The following TXLNB variants were observed in gnomAD, a reference collection of about 807,000 sequenced individuals.
TXLNB encodes taxilin beta.
A neutral mutation model predicts 57.4 loss-of-function variants in TXLNB; 37 were observed. The observed-to-expected ratio is 0.64, with a 90% CI of 0.50 to 0.85. The LOEUF is 0.85. TXLNB is among the 40% of genes least tolerant of loss of function. The pLI is 0.00. For synonymous variants in TXLNB, 302 were observed against 309.6 expected, an observed-to-expected ratio of 0.98 and a Z score of 0.26; for missense variants, 848 against 825.6, an observed-to-expected ratio of 1.03 and a Z score of -0.33.
At chr6:139,188,388 C>T in the TXLNB span, among the ~76,000 whole-genome samples, 3 of 152,120 alleles carry the variant, frequency 2.0e-5, no homozygotes, top group Non-Finnish European at 4.4e-5. Flanking sequence ...CTAGTTGGGT[C>T]AGCTTCAAAC....
chr6:139,180,160 T>C, the TXLNB span: 1 of 152,216 alleles, frequency 6.6e-6, no homozygotes, highest in African/African-American at 2.4e-5. Flanking sequence ...AAATGCCCTT[T>C]AACTTCTAGG....
chr6:139,246,352 T>A lies in TXLNB; in HGVS notation c.1170+1465A>T, dbSNP rs565162431. Among the ~76,000 whole-genome samples the A allele has an allele frequency of 1.6e-3, 248 of 152,294 alleles. 1 individual carries two copies. Among genetic ancestry groups the A allele is most frequent in the African/African-American group, 3.7e-3 (153 of 41,570 alleles). ...CTTCTTCAGGTTGCTCATTGTAAAA[T>A]TTGTCATAATATTTTAAAAATATAT... On this transcript the variant is annotated intron_variant, in intron 8 of 9. Coordinates refer to ENST00000358430, the MANE Select transcript of TXLNB (RefSeq NM_153235.4).
chr6:139,317,486 G>A, the TXLNB span, among the ~76,000 whole-genome samples: 908 of 151,390 alleles, frequency 6.0e-3, 7 homozygotes, highest in African/African-American at 0.021. Flanking sequence ...TGCAACCTCC[G>A]CCTCCCAGGT....
chr6:139,174,997 G>C, the TXLNB span, among the ~76,000 whole-genome samples: 1 of 152,054 alleles, frequency 6.6e-6, no homozygotes. Context: ...TCTTAAATAG[G>C]ATTTTCTTGT....
At chr6:139,186,426 G>A in the TXLNB span, among the ~76,000 whole-genome samples, 1 of 152,104 alleles carries the variant, frequency 6.6e-6, no homozygotes, top group Non-Finnish European at 1.5e-5. Flanking sequence ...TAGTCATTAC[G>A]GAAATGCAAA....
chr6:139,323,919 C>T, the TXLNB span, among the ~76,000 whole-genome samples: 8 of 152,268 alleles, frequency 5.3e-5, no homozygotes, highest in South Asian at 1.7e-3. Context: ...TGCTCATCCC[C>T]GTCCTTTCTG....
At position 139,285,809 on chromosome 6, in the gene TXLNB, C is replaced by G. The variant is rs147296725; in HGVS notation, c.424+2667G>C. ...TGTTCTGCAGCAGATATCTCCAACC[C>G]TCAGGCCACGGACTGGTACCAGTCA... On this transcript the variant is annotated intron_variant, in intron 2 of 9. Transcript: ENST00000358430. Among the ~76,000 whole-genome samples the G allele has an allele frequency of 5.2e-3, 763 of 145,370 alleles. 84 individuals are homozygous for G. Among genetic ancestry groups the G allele is most frequent in the African/African-American group, 0.015 (593 of 39,540 alleles).
chr6:139,301,313 TG>T, the TXLNB span, among the ~76,000 whole-genome samples: 1 of 152,198 alleles, frequency 6.6e-6, no homozygotes, highest in African/African-American at 2.4e-5. Flanking sequence ...CTTGGGTATC[TG>T]TATAGTGCCA....
chr6:139,250,357 C>CTTTCT (rs1216331360), intron 7 of TXLNB, among the ~76,000 whole-genome samples: 17 of 118,892 alleles, frequency 1.4e-4, no homozygotes, highest in Non-Finnish European at 2.7e-4. Context: ...TTCTTTCTTT[C>CTTTCT]TTTTTTTTTT....
At chr6:139,285,997 CT>C (rs377336978) in intron 2 of TXLNB, among the ~76,000 whole-genome samples, 78 of 148,834 alleles carry the variant, frequency 5.2e-4, no homozygotes, top group African/African-American at 1.7e-3. Context: ...TTCCCTTTGG[CT>C]TACATTTTCT....
the TXLNB span, among the ~76,000 whole-genome samples, chr6:139,184,691 T>C: frequency 1.3e-5 from 2 of 152,248 alleles, no homozygotes; most frequent in Admixed American, 6.5e-5. Context: ...TTTGATAGCA[T>C]TGATCTATCC....
chr6:139,248,311 C>G (rs1393323084), intron 7 of TXLNB, among the ~76,000 whole-genome samples: 1 of 150,290 alleles, frequency 6.7e-6, no homozygotes, highest in Admixed American at 6.6e-5. Flanking sequence ...TTCTGGCCAA[C>G]ATGGTGAAAC....
the TXLNB span, among the ~76,000 whole-genome samples, chr6:139,189,937 A>C: frequency 6.6e-6 from 1 of 152,184 alleles, no homozygotes; most frequent in African/African-American, 2.4e-5. Context: ...TCTATCCATA[A>C]TGCCTACTAT....
the TXLNB span, among the ~76,000 whole-genome samples, chr6:139,182,221 G>A: frequency 6.6e-6 from 1 of 152,156 alleles, no homozygotes; most frequent in Admixed American, 6.5e-5. Context: ...GTCTGCCAGT[G>A]GATTCAAAGC....
chr6:139,277,070 G>A, intron 2 of TXLNB, 149 bp from the exon 3 acceptor site: 6 of 591,642 alleles, frequency 1.0e-5, no homozygotes, highest in Non-Finnish European at 1.5e-5. Flanking sequence ...CTATAGAAAT[G>A]ATGACACCTA....
chr6:139,231,927 A>C, the TXLNB span, among the ~76,000 whole-genome samples: 3 of 152,228 alleles, frequency 2.0e-5, no homozygotes. Context: ...TTAAGAAGAC[A>C]AATGAACGTG....
downstream of TXLNB, among the ~76,000 whole-genome samples, chr6:139,236,837 C>G (rs1161785744): frequency 6.6e-6 from 1 of 152,120 alleles, no homozygotes; most frequent in Non-Finnish European, 1.5e-5. Flanking sequence ...CTGCTGAGCT[C>G]AAGTGATCCT....
chr6:139,210,245 C>G, the TXLNB span, among the ~76,000 whole-genome samples: 4 of 152,006 alleles, frequency 2.6e-5, no homozygotes, highest in Non-Finnish European at 5.9e-5. Flanking sequence ...AGAGGGAACA[C>G]TTTTATGCTG....
At chr6:139,248,303 C>G (rs7745199) in intron 7 of TXLNB, among the ~76,000 whole-genome samples, 1,682 of 150,904 alleles carry the variant, frequency 0.011, 37 homozygotes, top group African/African-American at 0.039. Context: ...TGAGACCATT[C>G]TGGCCAACAT....
Sources: gnomAD v4.1 joint callset for allele counts (sites outside exome capture counted in the v4.1 genomes callset) on GRCh38, gnomAD v4.1.1 for gene constraint, MANE v1.5 for transcripts, NCBI Gene and HGNC (gene_info 2026-07-23, HGNC 2026-07-21) for gene names.